Variants in BLK observed in about 807,000 individuals in gnomAD.
BLK encodes tyrosine-protein kinase Blk.
Under a neutral mutation model 61.8 loss-of-function variants are expected in BLK, and 64 were observed. That is an observed-to-expected ratio of 1.03 (90% CI 0.85 to 1.27). The LOEUF is 1.27. Among genes scored for constraint, BLK ranks in the 50% most tolerant of loss-of-function variants. BLK has a pLI of 0.00. For synonymous variants in BLK, 351 were observed against 272.0 expected (o/e 1.29, Z -2.86); for missense variants, 853 against 660.5 (o/e 1.29, Z -3.19).
chr8:11,508,482 GC>G (rs1185092338), intron 1 of BLK, among the ~76,000 whole-genome samples: 1 of 152,172 alleles, frequency 6.6e-6, no homozygotes, highest in African/African-American at 2.4e-5. Context: ...ACCTTCCTTG[GC>G]CCCCTCTTGG....
At chr8:11,559,376 C>T (rs4841559) in intron 10 of BLK, among the ~76,000 whole-genome samples, 56,795 of 149,614 alleles carry the variant, frequency 0.38, 11,797 homozygotes, top group Non-Finnish European at 0.49. Context: ...CACACAGACA[C>T]GCAAACTCAC....
At chr8:11,499,693 C>G (rs776615926) in intron 1 of BLK, among the ~76,000 whole-genome samples, 1 of 152,208 alleles carries the variant, frequency 6.6e-6, no homozygotes, top group Non-Finnish European at 1.5e-5. Flanking sequence ...ATCCATGCCT[C>G]TCTGGAGCAA....
intron 1 of BLK, among the ~76,000 whole-genome samples, chr8:11,535,280 G>GA (rs754700485): frequency 1.5e-5 from 2 of 133,950 alleles, no homozygotes; most frequent in African/African-American, 5.5e-5. Flanking sequence ...AAGAAAGAAA[G>GA]AAAGAAAGAA....
intron 1 of BLK, among the ~76,000 whole-genome samples, chr8:11,517,751 G>A (rs573257596): frequency 2.0e-5 from 3 of 152,310 alleles, no homozygotes; most frequent in East Asian, 1.9e-4. Context: ...GCTGCTGAAC[G>A]CACCTGAGGC....
At chr8:11,503,642 G>T (rs1016082903) in intron 1 of BLK, among the ~76,000 whole-genome samples, 1 of 152,188 alleles carries the variant, frequency 6.6e-6, no homozygotes, top group African/African-American at 2.4e-5. Context: ...GTAAGCAAGG[G>T]TGCTCTTTCT....
intron 1 of BLK, among the ~76,000 whole-genome samples, chr8:11,513,805 C>T (rs1353482687): frequency 6.6e-6 from 1 of 152,106 alleles, no homozygotes; most frequent in Non-Finnish European, 1.5e-5. Context: ...GTGTGGTTGG[C>T]GGGCAGTCCA....
At chr8:11,536,313 G>A (rs1395431393) in intron 1 of BLK, among the ~76,000 whole-genome samples, 1 of 152,160 alleles carries the variant, frequency 6.6e-6, no homozygotes, top group Non-Finnish European at 1.5e-5. Context: ...GTAAAATACT[G>A]CAACCCAGAA....
intron 1 of BLK, among the ~76,000 whole-genome samples, chr8:11,531,606 G>A (rs143503352): frequency 1.3e-5 from 2 of 152,040 alleles, no homozygotes; most frequent in Non-Finnish European, 2.9e-5. Flanking sequence ...TTGAGTCTTC[G>A]GGTCTATAGC....
chr8:11,554,649 A>T, intron 6 of BLK, 94 bp from the exon 7 acceptor site: 2 of 1,481,820 alleles, frequency 1.3e-6, no homozygotes, highest in Non-Finnish European at 1.9e-6. Flanking sequence ...GAATTGGGGA[A>T]CTTTTTTCAA....
At chr8:11,534,774 C>T (rs145056329) in intron 1 of BLK, among the ~76,000 whole-genome samples, 10 of 152,324 alleles carry the variant, frequency 6.6e-5, no homozygotes, top group South Asian at 2.1e-4. Context: ...AGGGGCCACA[C>T]GTGCCCAAGG....
chr8:11,544,945 C>G (rs1242632873), intron 2 of BLK, among the ~76,000 whole-genome samples: 1 of 152,180 alleles, frequency 6.6e-6, no homozygotes, highest in African/African-American at 2.4e-5. Flanking sequence ...CTCCTCCCTC[C>G]CCTGTTTGTA....
intron 6 of BLK, chr8:11,553,424 G>T: frequency 2.2e-6 from 1 of 444,544 alleles, no homozygotes; most frequent in Admixed American, 2.4e-5. Context: ...ATCTGAGGTC[G>T]TCTTTACAAA....
chr8:11,553,123 A>G (rs1481320106), intron 6 of BLK: 2 of 195,198 alleles, frequency 1.0e-5, no homozygotes, highest in African/African-American at 4.7e-5. Flanking sequence ...ACACACACAC[A>G]ACTCCAAAGC....
chr8:11,562,257 T>C (rs1431736769), intron 11 of BLK, among the ~76,000 whole-genome samples: 1 of 152,150 alleles, frequency 6.6e-6, no homozygotes, highest in Admixed American at 6.5e-5. Context: ...TCTGTGCATA[T>C]AACTGAGGTG....
At chr8:11,520,863 T>C (rs1799422395) in intron 1 of BLK, among the ~76,000 whole-genome samples, 1 of 152,186 alleles carries the variant, frequency 6.6e-6, no homozygotes, top group Admixed American at 6.5e-5. Context: ...AATAGCTTTC[T>C]TTTTTTCAAC....
intron 6 of BLK, among the ~76,000 whole-genome samples, chr8:11,551,061 T>G (rs1277855827): frequency 6.6e-6 from 1 of 152,120 alleles, no homozygotes; most frequent in Non-Finnish European, 1.5e-5. Context: ...TGGATGGAAA[T>G]CCTTCCTTGC....
intron 1 of BLK, among the ~76,000 whole-genome samples, chr8:11,523,600 AG>A (rs1799538796): frequency 6.6e-6 from 1 of 152,232 alleles, no homozygotes; most frequent in African/African-American, 2.4e-5. Context: ...ACCTAAATTA[AG>A]AAAAATATTT....
intron 1 of BLK, among the ~76,000 whole-genome samples, chr8:11,534,410 A>G (rs955188929): frequency 1.3e-5 from 2 of 152,170 alleles, no homozygotes; most frequent in African/African-American, 4.8e-5. Context: ...TCCCCCCCCA[A>G]AAAAATTCAC....
At position 11,543,340 on chromosome 8, in the gene BLK, C is replaced by A. The variant is rs142352008; in HGVS notation, c.116C>A (p.Pro39Gln). Residue 39 changes from proline to glutamine, a missense_variant, in exon 2 of 13, where the codon CCG (proline) becomes CAG (glutamine). Coordinates refer to ENST00000259089, the MANE Select transcript of BLK (RefSeq NM_001715.3). ...CAAGACAAGGACGCCCCGCCACTGC[C>A]GCCCCTGGTGAGTGATTGCCCACCC... ...SAQDKDAPPLPPLVVFNHLTP... is the reference protein window; with the variant it reads ...SAQDKDAPPLQPLVVFNHLTP... 6.2e-7 allele frequency: 1 copy of A among 1,613,030 alleles called. No individual in the cohort carries two copies. Among genetic ancestry groups the A allele is most frequent in the African/African-American group, 1.3e-5 (1 of 74,920 alleles).
Sources: gnomAD v4.1 joint callset for allele counts (sites outside exome capture counted in the v4.1 genomes callset) on GRCh38, gnomAD v4.1.1 for gene constraint, MANE v1.5 for transcripts, NCBI Gene and HGNC (gene_info 2026-07-23, HGNC 2026-07-21) for gene names.